The following ARID4B variants were observed in gnomAD, a reference collection of about 807,000 sequenced individuals.
The protein encoded by ARID4B is AT-rich interaction domain 4B.
Under a neutral mutation model 147.5 loss-of-function variants are expected in ARID4B, and 26 were observed. The ratio of observed to expected loss-of-function variants is 0.18; its 90% CI spans 0.13 to 0.24. The LOEUF (loss-of-function observed/expected upper bound fraction) is 0.24, where lower values mean the gene tolerates loss of function less well. Among genes scored for constraint, ARID4B ranks in the 10% least tolerant of loss-of-function variants. The pLI, the probability that ARID4B is intolerant of heterozygous loss-of-function variation, is 1.00. For synonymous variants in ARID4B, 512 were observed against 507.9 expected (o/e 1.01, Z -0.11); for missense variants, 1,179 against 1,511.5 (o/e 0.78, Z 3.65).
chr1:235,198,477 T>G (rs1665652852), intron 17 of ARID4B, among the ~76,000 whole-genome samples: 1 of 152,208 alleles, frequency 6.6e-6, no homozygotes, highest in African/African-American at 2.4e-5. Flanking sequence ...ATGTATGTTG[T>G]TTAAATTCTC....
chr1:235,189,399 C>CAAAAAAAAAAA (rs11299121), intron 19 of ARID4B, among the ~76,000 whole-genome samples: 3 of 58,918 alleles, frequency 5.1e-5, no homozygotes, highest in Non-Finnish European at 8.4e-5. Flanking sequence ...GACTCAGTCT[C>CAAAAAAAAAAA]AAAAAAAAAA....
chr1:235,294,814 A>G (rs113347377), intron 2 of ARID4B, among the ~76,000 whole-genome samples: 2 of 151,602 alleles, frequency 1.3e-5, no homozygotes, highest in Admixed American at 6.6e-5. Flanking sequence ...GTGCCCAGCC[A>G]TATCTTTTTA....
intron 11 of ARID4B, among the ~76,000 whole-genome samples, chr1:235,226,790 C>T (rs1296845509): frequency 2.6e-5 from 4 of 152,160 alleles, no homozygotes. Context: ...TCCCAAAGTG[C>T]TGGGATTACA....
intron 7 of ARID4B, among the ~76,000 whole-genome samples, chr1:235,245,774 A>T (rs1669265663): frequency 6.6e-6 from 1 of 152,310 alleles, no homozygotes; most frequent in Non-Finnish European, 1.5e-5. Context: ...CACTTAAAGG[A>T]TATGAATTCA....
intron 2 of ARID4B, among the ~76,000 whole-genome samples, chr1:235,308,810 G>C (rs1457710446): frequency 6.6e-6 from 1 of 152,128 alleles, no homozygotes; most frequent in Non-Finnish European, 1.5e-5. Context: ...GCAGTGGCGT[G>C]ATCTCGGCTC....
At chr1:235,180,782 CT>C (rs1664260085) in intron 20 of ARID4B, 1 of 152,256 alleles carries the variant, frequency 6.6e-6, no homozygotes, top group African/African-American at 2.4e-5. Context: ...TACTCCAGTG[CT>C]CTGTCTTTAC....
chr1:235,245,439 T>C (rs1312306559), intron 7 of ARID4B, among the ~76,000 whole-genome samples: 1 of 152,136 alleles, frequency 6.6e-6, no homozygotes, highest in East Asian at 1.9e-4. Flanking sequence ...TTTTACACTT[T>C]AGGATGATGT....
At chr1:235,295,373 G>A (rs1672621347) in intron 2 of ARID4B, among the ~76,000 whole-genome samples, 1 of 152,060 alleles carries the variant, frequency 6.6e-6, no homozygotes, top group Non-Finnish European at 1.5e-5. Context: ...AGCCAGGCAT[G>A]GTGGCACGTG....
At chr1:235,302,475 T>G (rs1381597741) in intron 2 of ARID4B, among the ~76,000 whole-genome samples, 3 of 152,298 alleles carry the variant, frequency 2.0e-5, no homozygotes, top group Middle Eastern at 6.8e-3. Context: ...TCTCAATAAT[T>G]TTGATATCAT....
rs775330547 is a variant in ARID4B at position 235,240,423 on chromosome 1, T to C, written c.475A>G (p.Ser159Gly). ...IPEEESSSSS[S>G]DEDEDDRKQI... ...TTCCTATCATCCTCATCTTCATCAC[T>C]GGAGGATGATGAAGACTCTTCCTCT... The change falls in exon 8 of 24, where the codon AGT becomes GGT. Residue 159 changes from serine to glycine, a missense_variant. Ser to Gly is a moderately conservative substitution (Grantham distance 56). Transcript: ENST00000264183. 3 of 1,612,932 alleles carry C rather than the reference T, an allele frequency of 1.9e-6. No homozygotes were observed. The highest frequency in any genetic ancestry group is 2.2e-5 in the East Asian group (1 of 44,766).
chr1:235,186,015 G>T (rs905453018), intron 19 of ARID4B, among the ~76,000 whole-genome samples: 2 of 151,388 alleles, frequency 1.3e-5, no homozygotes, highest in Non-Finnish European at 1.5e-5. Flanking sequence ...CTGTCATCAG[G>T]TTGGAGTGCA....
rs574802873 is a variant in ARID4B at position 235,287,470 on chromosome 1, T to C, written c.7-26718A>G. ...AACAGTCTCATTGTGTGTTCTGTCT[T>C]GAATGTACCAGAAACTACCAGTGTT... On this transcript the variant is annotated intron_variant, in intron 2 of 23. Transcript: ENST00000264183. Among the ~76,000 whole-genome samples, 39 of 152,256 alleles carry C rather than the reference T, an allele frequency of 2.6e-4. No homozygotes were observed. In the South Asian group the frequency reaches 7.7e-3, roughly 30 times the overall value.
rs191757919 is a variant in ARID4B, at chr1:235,243,460, G to A, written c.446+2960C>T. On this transcript the variant is annotated intron_variant, in intron 7 of 23. Transcript: ENST00000264183. Reference sequence around the variant, plus strand: ...TTTCTTTGGTGGCAAGGTATTTGTAGAGCCACAACAAAATAATGCGCTGTC... The same window carrying A: ...TTTCTTTGGTGGCAAGGTATTTGTAAAGCCACAACAAAATAATGCGCTGTC... Among the ~76,000 whole-genome samples, 161 of 152,186 alleles carry A rather than the reference G, an allele frequency of 1.1e-3. 1 individual carries two copies. Among genetic ancestry groups the A allele is most frequent in the Non-Finnish European group, 2.0e-3 (135 of 67,972 alleles).
chr1:235,258,978 C>T (rs1402151850), intron 3 of ARID4B, among the ~76,000 whole-genome samples: 1 of 152,126 alleles, frequency 6.6e-6, no homozygotes, highest in East Asian at 1.9e-4. Flanking sequence ...AAAGAAATTA[C>T]ACATGTTAAA....
At chr1:235,317,372 T>G (rs1194713497) in intron 2 of ARID4B, among the ~76,000 whole-genome samples, 1 of 152,202 alleles carries the variant, frequency 6.6e-6, no homozygotes, top group Non-Finnish European at 1.5e-5. Context: ...AGCCTACACT[T>G]GGACTTTCTG....
At position 235,169,622 on chromosome 1, in the gene ARID4B, G is replaced by A. The variant is rs894419778; in HGVS notation, c.3812-970C>T. On this transcript the variant is annotated intron_variant, in intron 23 of 23. Transcript: ENST00000264183. ...GCGATCTCGGCTCACTGCAAGCTCC[G>A]CCTTCCAGGTTCACGCCATTCTCCT... Among the ~76,000 whole-genome samples, 12 of 150,798 alleles carry A rather than the reference G, an allele frequency of 8.0e-5. No individual in the cohort carries two copies. In the South Asian group the frequency reaches 8.4e-4, roughly 11 times the overall value.
intron 17 of ARID4B, among the ~76,000 whole-genome samples, chr1:235,201,084 G>A (rs183676351): frequency 7.9e-5 from 12 of 152,230 alleles, no homozygotes; most frequent in African/African-American, 2.6e-4. Context: ...GGCAGAGGTG[G>A]CAGTGAGCCA....
rs148132837 is a variant in ARID4B at position 235,220,427 on chromosome 1, C to G, written c.1282G>C (p.Val428Leu). Residue 428 changes from valine to leucine, a missense_variant, in exon 15 of 24, where the codon GTT becomes CTT. Transcript: ENST00000264183. ...KECENVKEIK[V>L]KEENETEIKE... ...ATCTCTGTTTCATTTTCCTCCTTAA[C>G]TTTTATTTCTTTTACATTTTCACAC... 827 of 1,612,444 alleles carry G rather than the reference C, an allele frequency of 5.1e-4. No homozygotes were observed. Among genetic ancestry groups the G allele is most frequent in the Non-Finnish European group, 6.5e-4 (770 of 1,178,840 alleles).
intron 6 of ARID4B, among the ~76,000 whole-genome samples, chr1:235,251,333 C>T (rs940939336): frequency 1.3e-5 from 2 of 151,616 alleles, no homozygotes; most frequent in African/African-American, 2.4e-5. Context: ...TGGCCTTCAA[C>T]ATAAGTGAGA....
Sources: gnomAD v4.1 joint callset for allele counts (sites outside exome capture counted in the v4.1 genomes callset) on GRCh38, gnomAD v4.1.1 for gene constraint, MANE v1.5 for transcripts, NCBI Gene and HGNC (gene_info 2026-07-23, HGNC 2026-07-21) for gene names.